The following ARHGEF3 variants were observed in gnomAD, a reference collection of about 807,000 sequenced individuals.
The protein encoded by ARHGEF3 is Rho guanine nucleotide exchange factor 3.
Under a neutral mutation model 63.2 loss-of-function variants are expected in ARHGEF3, and 28 were observed. That is an observed-to-expected ratio of 0.44 (90% CI 0.33 to 0.61). ARHGEF3 has a LOEUF of 0.61. Among genes scored for constraint, ARHGEF3 ranks in the 20% least tolerant of loss-of-function variants. The probability of loss-of-function intolerance (pLI) is 0.03; values close to 1 mark genes in which losing one functional copy is unlikely to be tolerated. For synonymous variants in ARHGEF3, 266 were observed against 254.2 expected, an observed-to-expected ratio of 1.05 and a Z score of -0.44; for missense variants, 533 against 659.3, an observed-to-expected ratio of 0.81 and a Z score of 2.10.
intron 3 of ARHGEF3, among the ~76,000 whole-genome samples, chr3:56,754,357 T>C (rs540155270): frequency 1.1e-4 from 17 of 152,330 alleles, no homozygotes; most frequent in African/African-American, 3.6e-4. Flanking sequence ...TTTCAGGATA[T>C]AGGGAAACAG....
At chr3:56,831,569 C>T (rs1262366111) in intron 4 of ARHGEF3, among the ~76,000 whole-genome samples, 2 of 152,196 alleles carry the variant, frequency 1.3e-5, no homozygotes, top group African/African-American at 4.8e-5. Context: ...GGTTGTGTTA[C>T]AATAAAACCT....
At chr3:56,880,937 G>A (rs186872718) in intron 4 of ARHGEF3, among the ~76,000 whole-genome samples, 2 of 152,228 alleles carry the variant, frequency 1.3e-5, no homozygotes, top group East Asian at 3.9e-4. Context: ...ACACCACATG[G>A]TAAAACAGAC....
chr3:56,757,279 C>G (rs1016697972), intron 2 of ARHGEF3, among the ~76,000 whole-genome samples: 4 of 152,184 alleles, frequency 2.6e-5, no homozygotes, highest in Non-Finnish European at 5.9e-5. Context: ...TTGACACCAG[C>G]CTGGCCAACA....
chr3:56,787,156 C>A (rs753509082), intron 1 of ARHGEF3, among the ~76,000 whole-genome samples: 1 of 152,080 alleles, frequency 6.6e-6, no homozygotes, highest in African/African-American at 2.4e-5. Context: ...GTAAAGGTTT[C>A]CCAAGCACTG....
At chr3:56,802,054 C>G (rs1246587414), upstream of ARHGEF3, 5 of 1,321,928 alleles carry the variant, frequency 3.8e-6, no homozygotes, top group Non-Finnish European at 4.9e-6. Flanking sequence ...GGAGGGCCCA[C>G]GTGCCGCAGC....
chr3:56,921,051 T>A (rs1172894649), intron 3 of ARHGEF3, among the ~76,000 whole-genome samples: 3 of 71,874 alleles, frequency 4.2e-5, no homozygotes, highest in African/African-American at 1.9e-4. Context: ...CGAGACTCCA[T>A]CTCAAAAAAA....
intron 2 of ARHGEF3, among the ~76,000 whole-genome samples, chr3:57,003,383 C>T (rs991753067): frequency 1.7e-5 from 2 of 114,490 alleles, no homozygotes; most frequent in South Asian, 2.9e-4. Context: ...AGCCTGGCAA[C>T]GAAGCGAGAC....
Position 56,753,498 on chromosome 3 carries a change from A to G in ARHGEF3, c.438+6T>C, listed in dbSNP as rs1467907333. On this transcript the variant is annotated splice_donor_region_variant and intron_variant, in intron 4 of 9. Coordinates refer to ENST00000296315, the MANE Select transcript of ARHGEF3 (RefSeq NM_019555.3). ...TGACTCAAGTGACTGCTGGATTTAA[A>G]TTTACCTTTTTTGCTAATTTCAAGT... The G allele has an allele frequency of 1.2e-6, 2 of 1,613,026 alleles. No individual in the cohort carries two copies. The highest frequency in any genetic ancestry group is 1.7e-5 in the Admixed American group (1 of 59,794).
intron 4 of ARHGEF3, among the ~76,000 whole-genome samples, chr3:56,839,707 T>C (rs1292157766): frequency 6.6e-6 from 1 of 152,134 alleles, no homozygotes; most frequent in Non-Finnish European, 1.5e-5. Context: ...TCTCAAGGGG[T>C]CTGGCAGCTG....
intron 1 of ARHGEF3, among the ~76,000 whole-genome samples, chr3:57,062,117 A>G (rs1296086183): frequency 6.6e-6 from 1 of 151,836 alleles, no homozygotes; most frequent in African/African-American, 2.4e-5. Context: ...GAGAAATCCA[A>G]CTCCATCTAG....
At chr3:57,071,551 T>C (rs1257934697) in intron 1 of ARHGEF3, among the ~76,000 whole-genome samples, 1 of 151,912 alleles carries the variant, frequency 6.6e-6, no homozygotes, top group African/African-American at 2.4e-5. Context: ...TCCCAGCTAC[T>C]TGAGAGGCTG....
intron 2 of ARHGEF3, among the ~76,000 whole-genome samples, chr3:56,984,469 C>T (rs905103553): frequency 4.6e-5 from 7 of 151,996 alleles, no homozygotes; most frequent in East Asian, 1.9e-4. Context: ...GGACAAGCCC[C>T]GCAAACTGTG....
chr3:56,751,221 AATTAATAATCACTCACTC>A, intron 5 of ARHGEF3, 61 bp downstream of exon 5: 1 of 1,536,716 alleles, frequency 6.5e-7, no homozygotes, highest in East Asian at 2.3e-5. Flanking sequence ...CATTGCAGGC[AATTAATAATCACTCACTC>A]ATTATAAGAC....
intron 2 of ARHGEF3, among the ~76,000 whole-genome samples, chr3:56,959,207 A>C (rs150963644): frequency 6.6e-6 from 1 of 152,346 alleles, no homozygotes; most frequent in Non-Finnish European, 1.5e-5. Flanking sequence ...ATTTTCACAT[A>C]GACTCAATTC....
At chr3:56,774,897 A>G in intron 1 of ARHGEF3, 1 of 1,093,714 alleles carries the variant, frequency 9.1e-7, no homozygotes. Context: ...CAAAAAAACA[A>G]AAAACAAACA....
At chr3:56,907,643 T>C (rs2041729079) in intron 3 of ARHGEF3, among the ~76,000 whole-genome samples, 1 of 151,988 alleles carries the variant, frequency 6.6e-6, no homozygotes. Context: ...GTAGACTAAA[T>C]AAAGAAAAAG....
At chr3:57,015,342 GGAAACCAAT>G (rs1428222193) in intron 2 of ARHGEF3, among the ~76,000 whole-genome samples, 1 of 152,108 alleles carries the variant, frequency 6.6e-6, no homozygotes, top group African/African-American at 2.4e-5. Flanking sequence ...GGATATTCTA[GGAAACCAAT>G]GAAACTGAAG....
At chr3:56,861,423 G>A (rs1322912122) in intron 4 of ARHGEF3, among the ~76,000 whole-genome samples, 1 of 152,112 alleles carries the variant, frequency 6.6e-6, no homozygotes, top group Non-Finnish European at 1.5e-5. Context: ...CTCCTCAAAT[G>A]CTCAAAATTT....
intron 4 of ARHGEF3, among the ~76,000 whole-genome samples, chr3:56,823,619 G>A (rs1388634166): frequency 6.6e-6 from 1 of 152,104 alleles, no homozygotes; most frequent in African/African-American, 2.4e-5. Flanking sequence ...TGATTAAAAA[G>A]CTGATATGTG....
Sources: allele counts gnomAD v4.1 joint callset (sites outside exome capture counted in the v4.1 genomes callset), GRCh38; gene constraint gnomAD v4.1.1; transcripts MANE v1.5; gene names NCBI Gene and HGNC (gene_info 2026-07-23, HGNC 2026-07-21).